Variants in DGKG observed in about 807,000 individuals in gnomAD.
The protein encoded by DGKG is diacylglycerol kinase gamma.
DGKG carries 78 observed loss-of-function variants against 105.3 expected under a neutral mutation model. The observed-to-expected ratio is 0.74, with a 90% confidence interval of 0.62 to 0.89. DGKG has a LOEUF of 0.89. DGKG is among the 40% of genes least tolerant of loss of function. The pLI, the probability that DGKG is intolerant of heterozygous loss-of-function variation, is 0.00. For missense variants in DGKG, 958 were observed against 1,020.1 expected (o/e 0.94, Z 0.83); for synonymous variants, 346 against 367.1 (o/e 0.94, Z 0.66).
chr3:186,322,226 C>G (rs1219188330), intron 1 of DGKG, among the ~76,000 whole-genome samples: 1 of 152,012 alleles, frequency 6.6e-6, no homozygotes, highest in East Asian at 1.9e-4. Flanking sequence ...ACATATACAC[C>G]ACGGAATACT....
At chr3:186,298,335 G>A (rs927963716) in intron 3 of DGKG, 106 bp from the exon 4 acceptor site, 4 of 1,077,270 alleles carry the variant, frequency 3.7e-6, no homozygotes, top group Non-Finnish European at 5.2e-6. Context: ...GAATGGAAAG[G>A]GAGGCAGTAG....
intron 5 of DGKG, among the ~76,000 whole-genome samples, chr3:186,295,046 G>A (rs16860690): frequency 0.019 from 2,944 of 152,208 alleles, 117 homozygotes; most frequent in African/African-American, 0.067. Flanking sequence ...CCAGTCCTCA[G>A]TTAAACACTG....
At chr3:186,323,308 T>C (rs1725170893) in intron 1 of DGKG, among the ~76,000 whole-genome samples, 1 of 152,232 alleles carries the variant, frequency 6.6e-6, no homozygotes, top group Non-Finnish European at 1.5e-5. Context: ...CTGTCACCGC[T>C]GCTGCTGCTA....
In DGKG at chr3:186,148,077, G is replaced by T. The variant is rs1311998160; in HGVS notation, c.*2013C>A. The T allele has an allele frequency of 2.0e-6, 2 of 985,322 alleles. No homozygotes were observed. Among genetic ancestry groups the T allele is most frequent in the Non-Finnish European group, 2.4e-6 (2 of 829,958 alleles). The allele number at this position is 985,322 out of a possible 1,614,324, so 61.0% of individuals were successfully genotyped here. On this transcript the variant is annotated 3_prime_UTR_variant, in exon 25 of 25. Coordinates refer to ENST00000265022, the MANE Select transcript of DGKG (RefSeq NM_001346.3). ...AGCTCCTGTCCAATGCAAGATTAGA[G>T]GCAGCTCAGTGGAACGATATCAAGT...
At chr3:186,154,600 G>C (rs1715935927) in intron 24 of DGKG, among the ~76,000 whole-genome samples, 1 of 146,642 alleles carries the variant, frequency 6.8e-6, no homozygotes, top group Non-Finnish European at 1.5e-5. Context: ...AGCCGAGATC[G>C]TGCCATTGCA....
intron 24 of DGKG, chr3:186,158,648 G>T: frequency 1.1e-6 from 1 of 929,682 alleles, no homozygotes. Context: ...ATGAGTTATA[G>T]AGTTATTTCA....
chr3:186,294,792 C>A (rs1383650593), intron 5 of DGKG, among the ~76,000 whole-genome samples: 1 of 152,122 alleles, frequency 6.6e-6, no homozygotes, highest in Non-Finnish European at 1.5e-5. Flanking sequence ...TGCCTTACGT[C>A]CATTTCACCA....
chr3:186,276,667 C>T (rs1371688388), intron 9 of DGKG, among the ~76,000 whole-genome samples: 2 of 152,214 alleles, frequency 1.3e-5, no homozygotes, highest in Non-Finnish European at 2.9e-5. Flanking sequence ...CACAGTGACA[C>T]CCACATCTCC....
chr3:186,235,310 T>G (rs765335840), intron 20 of DGKG, among the ~76,000 whole-genome samples: 9 of 152,210 alleles, frequency 5.9e-5, no homozygotes, highest in Non-Finnish European at 1.2e-4. Context: ...GAATCCCAGA[T>G]ATTTAAGAAA....
chr3:186,194,111 C>G (rs1718051266), intron 21 of DGKG, among the ~76,000 whole-genome samples: 1 of 152,244 alleles, frequency 6.6e-6, no homozygotes. Context: ...AACTGTGTCC[C>G]CCTTGGGAAG....
chr3:186,242,380 A>C, intron 20 of DGKG, 124 bp downstream of exon 20: 1 of 703,988 alleles, frequency 1.4e-6, no homozygotes, highest in Non-Finnish European at 2.3e-6. Flanking sequence ...CCTTCCGGCA[A>C]GTGGCAGGAA....
chr3:186,345,899 G>C (rs980999131), intron 1 of DGKG, among the ~76,000 whole-genome samples: 1 of 152,146 alleles, frequency 6.6e-6, no homozygotes, highest in African/African-American at 2.4e-5. Context: ...CTCCTGAGTA[G>C]CTGGGATTAC....
rs1722953987 is a variant in DGKG, at chr3:186,284,186, GCA to G, written c.594+472_594+473del. Among the ~76,000 whole-genome samples the G allele has an allele frequency of 1.3e-5, 2 of 152,262 alleles. No individual in the cohort carries two copies. Among genetic ancestry groups the G allele is most frequent in the Admixed American group, 1.3e-4 (2 of 15,298 alleles). ...AGAGGCAGCCAAGGGTGACGGCAAA[GCA>G]CATCAGCAGTGACCAGCAGCCTCCT... On this transcript the variant is annotated intron_variant, in intron 7 of 24. Coordinates refer to ENST00000265022, the MANE Select transcript of DGKG (RefSeq NM_001346.3). The surrounding 1 kb of genome is among the most constrained non-coding windows in gnomAD (Gnocchi z 4.0).
chr3:186,288,735 C>A lies in DGKG; in HGVS notation c.519G>T (p.Thr173=). The A allele has an allele frequency of 6.2e-7, 1 of 1,614,158 alleles. No homozygotes were observed. The highest frequency in any genetic ancestry group is 8.5e-7 in the Non-Finnish European group (1 of 1,180,008). The change falls in exon 6 of 25, where the codon ACG becomes ACT. Residue 173 remains threonine (T), a synonymous_variant. Coordinates refer to ENST00000265022, the MANE Select transcript of DGKG (RefSeq NM_001346.3). ...ACTCCAGCTTATCCTGAGGCCTCCCCGTCTCCAGCAGGGACAGGTAGCACA... is the reference window on the plus strand; with the variant it reads ...ACTCCAGCTTATCCTGAGGCCTCCCAGTCTCCAGCAGGGACAGGTAGCACA... ...DVVCYLSLLE[T]GRPQDKLEFM...
rs764797729 is a variant in DGKG, at chr3:186,298,146, G to T, written c.228C>A (p.Phe76Leu). ...GTCTGGGCTTCTGGCTGAAGGCCAG[G>T]AAGAGGTGAGTGCTCAGTGGCTGGG... ...DLPQPLSTHLFLAFSQKPRHE... is the reference protein window; with the variant it reads ...DLPQPLSTHLLLAFSQKPRHE... Residue 76 changes from phenylalanine to leucine, a missense_variant, in exon 4 of 25, where the codon TTC (phenylalanine) becomes TTA (leucine). By Grantham distance (22) the Phe-to-Leu change is conservative (BLOSUM62 0). Coordinates refer to ENST00000265022, the MANE Select transcript of DGKG (RefSeq NM_001346.3). The T allele has an allele frequency of 4.3e-6, 7 of 1,614,068 alleles. No homozygotes were observed. The South Asian group carries it at 7.7e-5, about 18-fold the overall frequency.
intron 21 of DGKG, among the ~76,000 whole-genome samples, chr3:186,209,348 C>T (rs1440318342): frequency 6.6e-6 from 1 of 151,992 alleles, no homozygotes; most frequent in East Asian, 1.9e-4. Flanking sequence ...GTGATCCACC[C>T]GCCTCGGCTT....
intron 1 of DGKG, among the ~76,000 whole-genome samples, chr3:186,354,834 A>G (rs1034931505): frequency 2.0e-5 from 3 of 152,094 alleles, no homozygotes; most frequent in Non-Finnish European, 2.9e-5. Context: ...GAGTGGTGAG[A>G]CCCTGGCTCC....
In DGKG at chr3:186,226,407, G is replaced by A. The variant is rs1001092989; in HGVS notation, c.1827-14522C>T. On this transcript the variant is annotated intron_variant, in intron 20 of 24. Coordinates refer to ENST00000265022, the MANE Select transcript of DGKG (RefSeq NM_001346.3). The surrounding 1 kb of genome is among the most constrained non-coding windows in gnomAD (Gnocchi z 4.2). ...GTCAGCTCAAATCAGAGGGCATCCC[G>A]TGGTGTTATCTCCACCCCAACCCTG... Among the ~76,000 whole-genome samples, 2 of 152,130 alleles carry A rather than the reference G, an allele frequency of 1.3e-5. No homozygotes were observed. The highest frequency in any genetic ancestry group is 1.9e-4 in the East Asian group (1 of 5,196).
At chr3:186,184,455 A>G (rs559842290) in intron 22 of DGKG, among the ~76,000 whole-genome samples, 1 of 152,118 alleles carries the variant, frequency 6.6e-6, no homozygotes, top group Admixed American at 6.6e-5. Flanking sequence ...GATGGAGTGC[A>G]GTGGTGTGAT....
Sources: allele counts gnomAD v4.1 joint callset (sites outside exome capture counted in the v4.1 genomes callset), GRCh38; gene constraint gnomAD v4.1.1; non-coding constraint Gnocchi (gnomAD v3.1); transcripts MANE v1.5; gene names NCBI Gene and HGNC (gene_info 2026-07-23, HGNC 2026-07-21).